Variants in FRZB observed in about 807,000 individuals in gnomAD.
FRZB encodes the protein secreted frizzled-related protein 3.
A neutral mutation model predicts 32.5 loss-of-function variants in FRZB; 34 were observed. The observed-to-expected ratio is 1.05, with a 90% CI of 0.80 to 1.39. The LOEUF is 1.39. Among genes scored for constraint, FRZB ranks in the 40% most tolerant of loss-of-function variants. The pLI, the probability that FRZB is intolerant of heterozygous loss-of-function variation, is 0.00. For missense variants in FRZB, 423 were observed against 424.8 expected (o/e 1.00, Z 0.04); for synonymous variants, 170 against 159.2 (o/e 1.07, Z -0.51).
At chr2:182,863,682 T>G (rs1695858954) in intron 1 of FRZB, among the ~76,000 whole-genome samples, 1 of 129,244 alleles carries the variant, frequency 7.7e-6, no homozygotes, top group Admixed American at 8.2e-5. Flanking sequence ...CCCAGTTGAA[T>G]AAGAAAAAAA....
At position 182,855,304 on chromosome 2, in the gene FRZB, G is replaced by GA. The variant is rs202148984; in HGVS notation, c.526+3481dup. 8.8e-3 allele frequency among the ~76,000 whole-genome samples: 1,333 copies of GA among 152,218 alleles called. 16 individuals are homozygous for GA. The highest frequency in any genetic ancestry group is 0.026 in the African/African-American group (1,089 of 41,542). On this transcript the variant is annotated intron_variant, in intron 2 of 5. Coordinates refer to ENST00000295113, the MANE Select transcript of FRZB (RefSeq NM_001463.4). ...ATTACTCTACACATGAAGATGTAGAGAAAAAAATGTTGACTTGAGTGGGAC... is the reference window on the plus strand; with the variant it reads ...ATTACTCTACACATGAAGATGTAGAGAAAAAAAATGTTGACTTGAGTGGGAC...
intron 1 of FRZB, among the ~76,000 whole-genome samples, chr2:182,862,223 C>A (rs553119136): frequency 6.6e-6 from 1 of 152,308 alleles, no homozygotes; most frequent in South Asian, 2.1e-4. Context: ...CCTGCAGAAA[C>A]GTGTTGAGCA....
intron 2 of FRZB, among the ~76,000 whole-genome samples, chr2:182,846,456 G>A (rs1042119086): frequency 2.6e-5 from 4 of 152,198 alleles, no homozygotes; most frequent in Non-Finnish European, 5.9e-5. Flanking sequence ...AAAAGCCTCA[G>A]ATCTGTGCTT....
At chr2:182,840,490 G>A (rs1260586183) in intron 3 of FRZB, among the ~76,000 whole-genome samples, 1 of 151,988 alleles carries the variant, frequency 6.6e-6, no homozygotes, top group East Asian at 1.9e-4. Flanking sequence ...TAACACTTAA[G>A]GAGTTTTTCC....
Position 182,866,599 on chromosome 2 carries a change from A to C in FRZB, c.-47T>G. ...GGTGCAGCCGCGCAGTGGACGCCAAAAGGCCCGCTCCGCCGTCTCCGCCTC... is the reference window on the plus strand; with the variant it reads ...GGTGCAGCCGCGCAGTGGACGCCAACAGGCCCGCTCCGCCGTCTCCGCCTC... On this transcript the variant is annotated 5_prime_UTR_variant, in exon 1 of 6. Coordinates refer to ENST00000295113, the MANE Select transcript of FRZB (RefSeq NM_001463.4). This position sits in a 1 kb window ranked among gnomAD's most constrained non-coding sequence, Gnocchi z 4.5. 7.6e-7 allele frequency: 1 copy of C among 1,312,690 alleles called. No individual in the cohort carries two copies. The highest frequency in any genetic ancestry group is 1.0e-6 in the Non-Finnish European group (1 of 997,060). 81.3% of individuals were successfully genotyped at this position (1,312,690 alleles called of 1,614,324 possible). A position where few individuals can be genotyped will look rare whatever the true frequency, so the allele number is the denominator to read the frequency against.
chr2:182,866,246 C>T lies in FRZB; in HGVS notation c.307G>A (p.Glu103Lys), dbSNP rs1382959784. Reference protein sequence around the residue: ...APICTIDFQHEPIKPCKSVCE... With the variant: ...APICTIDFQHKPIKPCKSVCE... ...ACAGACTTACAGGGCTTGATGGGCT[C>T]GTGCTGGAAGTCAATGGTGCAGATG... The change falls in exon 1 of 6, where the codon GAG becomes AAG. Residue 103 changes from glutamate to lysine, a missense_variant. Glu to Lys is a moderately conservative substitution (Grantham distance 56). Coordinates refer to ENST00000295113, the MANE Select transcript of FRZB (RefSeq NM_001463.4). This position sits in a 1 kb window ranked among gnomAD's most constrained non-coding sequence, Gnocchi z 4.5. The T allele has an allele frequency of 1.9e-6, 3 of 1,614,018 alleles. No individual in the cohort carries two copies. Among genetic ancestry groups the T allele is most frequent in the East Asian group, 4.5e-5 (2 of 44,870 alleles).
chr2:182,859,719 G>T (rs916101416), intron 1 of FRZB, among the ~76,000 whole-genome samples: 17 of 152,038 alleles, frequency 1.1e-4, no homozygotes, highest in Non-Finnish European at 1.8e-4. Flanking sequence ...ACTATTTTAG[G>T]ACTATAACAC....
At chr2:182,859,556 A>G (rs1040994068) in intron 1 of FRZB, among the ~76,000 whole-genome samples, 3 of 152,172 alleles carry the variant, frequency 2.0e-5, no homozygotes, top group African/African-American at 7.2e-5. Context: ...TTGACACTCC[A>G]ATTTAGTACT....
In FRZB at chr2:182,866,035, G is replaced by T; in HGVS notation, c.478+40C>A. 2 of 1,491,620 alleles carry T rather than the reference G, an allele frequency of 1.3e-6. No homozygotes were observed. Among genetic ancestry groups the T allele is most frequent in the Non-Finnish European group, 1.8e-6 (2 of 1,082,048 alleles). 92.4% of individuals were successfully genotyped at this position (1,491,620 alleles called of 1,614,324 possible). On this transcript the variant is annotated intron_variant, in intron 1 of 5. Transcript: ENST00000295113. The surrounding 1 kb of genome is among the most constrained non-coding windows in gnomAD (Gnocchi z 4.5). ...AACAAGGACTCCAAGAATTGAGGAG[G>T]CTGTAGGGTAAGGGAAGGGTGGGCC...
chr2:182,837,729 T>A (rs138930912), intron 5 of FRZB, among the ~76,000 whole-genome samples: 88 of 152,168 alleles, frequency 5.8e-4, no homozygotes, highest in African/African-American at 2.0e-3. Flanking sequence ...TTAGGGCAAC[T>A]GTAGTTAGAT....
chr2:182,837,760 A>G (rs979460461), intron 5 of FRZB, among the ~76,000 whole-genome samples, 188 bp downstream of exon 5: 1 of 152,036 alleles, frequency 6.6e-6, no homozygotes, highest in African/African-American at 2.4e-5. Flanking sequence ...CATACAGGGA[A>G]CTCATTCCTT....
rs1695627724 is a variant in FRZB, at chr2:182,845,278, G to T, written c.527-2735C>A. Among the ~76,000 whole-genome samples the T allele has an allele frequency of 4.6e-5, 7 of 152,062 alleles. No homozygotes were observed. In the South Asian group the frequency reaches 1.5e-3, roughly 32 times the overall value. On this transcript the variant is annotated intron_variant, in intron 2 of 5. Transcript: ENST00000295113. ...ATGCATTAGCTGTCACCTTTTTTGT[G>T]CCTGCTACCCTAAATCAGATGTAAC...
chr2:182,865,397 A>G (rs150072831), intron 1 of FRZB, among the ~76,000 whole-genome samples: 2 of 152,218 alleles, frequency 1.3e-5, no homozygotes, highest in African/African-American at 4.8e-5. Flanking sequence ...GCTAATTAAC[A>G]GTGCATAGCA....
At position 182,866,206 on chromosome 2, in the gene FRZB, CG is replaced by C. The variant is rs768404965; in HGVS notation, c.346del (p.Arg116GlyfsTer91). ...KPCKSVCERA[R>X]QGCEPILIKY... ...GATGAGTATGGGCTCACAGCCCTGC[CG>C]GGCCCGCTCGCACACAGACTTACAG... On this transcript the variant is annotated frameshift_variant, in exon 1 of 6. Transcript: ENST00000295113. LOFTEE classifies it high-confidence loss of function. This position sits in a 1 kb window ranked among gnomAD's most constrained non-coding sequence, Gnocchi z 4.5. 6.2e-7 allele frequency: 1 copy of C among 1,614,160 alleles called. No individual in the cohort carries two copies.
At chr2:182,849,870 C>T (rs745902305) in intron 2 of FRZB, among the ~76,000 whole-genome samples, 1 of 152,160 alleles carries the variant, frequency 6.6e-6, no homozygotes, top group Non-Finnish European at 1.5e-5. Flanking sequence ...AGAGTCAATA[C>T]AATTATGCTT....
intron 3 of FRZB, among the ~76,000 whole-genome samples, chr2:182,840,098 A>T (rs1418433145): frequency 6.6e-6 from 1 of 152,158 alleles, no homozygotes; most frequent in African/African-American, 2.4e-5. Context: ...TGCCTCAAGT[A>T]TGAGAACGTG....
At chr2:182,852,391 T>C (rs1271804377) in intron 2 of FRZB, among the ~76,000 whole-genome samples, 1 of 152,178 alleles carries the variant, frequency 6.6e-6, no homozygotes. Flanking sequence ...GTGAAAACTC[T>C]GGGAGAGCAT....
chr2:182,857,372 G>A (rs1695780770), intron 2 of FRZB, among the ~76,000 whole-genome samples: 1 of 152,114 alleles, frequency 6.6e-6, no homozygotes, highest in Non-Finnish European at 1.5e-5. Context: ...TGTAATCCCA[G>A]CACTCTGTAA....
At chr2:182,854,806 C>G (rs1029156335) in intron 2 of FRZB, among the ~76,000 whole-genome samples, 1 of 152,264 alleles carries the variant, frequency 6.6e-6, no homozygotes, top group African/African-American at 2.4e-5. Flanking sequence ...TCACAAGAAG[C>G]AAATCACAGA....
Sources: gnomAD v4.1 joint callset for allele counts (sites outside exome capture counted in the v4.1 genomes callset) on GRCh38, gnomAD v4.1.1 for gene constraint, Gnocchi (gnomAD v3.1) non-coding constraint, MANE v1.5 for transcripts, NCBI Gene and HGNC (gene_info 2026-07-23, HGNC 2026-07-21) for gene names.